Variants in BCL11A observed in about 807,000 individuals in gnomAD.
BCL11A encodes the protein BCL11 transcription factor A, also known as B cell CLL/lymphoma 11A.
Under a neutral mutation model 55.9 loss-of-function variants are expected in BCL11A, and 2 were observed. The ratio of observed to expected loss-of-function variants is 0.04; its 90% confidence interval spans 0.01 to 0.11. The LOEUF (loss-of-function observed/expected upper bound fraction) is 0.11, where lower values mean the gene tolerates loss of function less well. BCL11A is among the 10% of genes least tolerant of loss of function. The probability of loss-of-function intolerance (pLI) is 1.00; values close to 1 mark genes in which losing one functional copy is unlikely to be tolerated. For missense variants in BCL11A, 817 were observed against 1,137.1 expected, an observed-to-expected ratio of 0.72 and a Z score of 4.05; for synonymous variants, 465 against 473.4, an observed-to-expected ratio of 0.98 and a Z score of 0.23.
At chr2:60,503,487 C>A (rs45596438) in intron 2 of BCL11A, among the ~76,000 whole-genome samples, 2,642 of 152,342 alleles carry the variant, frequency 0.017, 33 homozygotes, top group Non-Finnish European at 0.025. Context: ...CACCTATTCA[C>A]AGATGGGGCA....
chr2:60,499,292 C>CTGCCT (rs1490666288), intron 2 of BCL11A, among the ~76,000 whole-genome samples: 1 of 151,990 alleles, frequency 6.6e-6, no homozygotes, highest in Non-Finnish European at 1.5e-5. Context: ...TGTGACGCCC[C>CTGCCT]TGCCCAGCCA....
upstream of BCL11A, chr2:60,553,789 G>A (rs1485850791): frequency 6.8e-6 from 1 of 146,474 alleles, no homozygotes; most frequent in Non-Finnish European, 1.5e-5. Context: ...GGAGGGGGAG[G>A]TGCGGGGCGG....
chr2:60,464,638 T>A (rs1330033815), intron 3 of BCL11A, among the ~76,000 whole-genome samples: 1 of 152,262 alleles, frequency 6.6e-6, no homozygotes, highest in African/African-American at 2.4e-5. Flanking sequence ...TCATAATTAG[T>A]GGTGCTGGTT....
intron 2 of BCL11A, among the ~76,000 whole-genome samples, chr2:60,517,560 A>T (rs1005076565): frequency 6.6e-6 from 1 of 152,248 alleles, no homozygotes; most frequent in Non-Finnish European, 1.5e-5. Context: ...TAAGAAAAGC[A>T]TTCCAGCCAT....
At chr2:60,462,880 C>T (rs992541472) in intron 3 of BCL11A, among the ~76,000 whole-genome samples, 6 of 152,204 alleles carry the variant, frequency 3.9e-5, no homozygotes, top group African/African-American at 1.4e-4. Context: ...TTTCTATTCC[C>T]CCCTGGGTGA....
intron 2 of BCL11A, among the ~76,000 whole-genome samples, chr2:60,532,276 A>G (rs1374484840): frequency 2.7e-5 from 4 of 149,958 alleles, no homozygotes; most frequent in African/African-American, 9.8e-5. Context: ...TGGTCTATTA[A>G]TAGTTTGAAG....
intron 2 of BCL11A, among the ~76,000 whole-genome samples, chr2:60,476,395 C>G (rs1303333998): frequency 6.6e-6 from 1 of 152,206 alleles, no homozygotes; most frequent in East Asian, 1.9e-4. Context: ...GTGGCTCATG[C>G]CAGAAGTCCA....
intron 2 of BCL11A, among the ~76,000 whole-genome samples, chr2:60,481,186 C>G (rs563673402): frequency 6.6e-5 from 10 of 152,080 alleles, no homozygotes; most frequent in Admixed American, 4.6e-4. Flanking sequence ...GGCTTCCCAG[C>G]CCCAAAACTG....
chr2:60,530,332 T>TAAAAA, intron 2 of BCL11A, among the ~76,000 whole-genome samples: 1 of 129,918 alleles, frequency 7.7e-6, no homozygotes, highest in Non-Finnish European at 1.6e-5. Flanking sequence ...TTCAGCCATT[T>TAAAAA]AAAAAAAAAA....
intron 2 of BCL11A, among the ~76,000 whole-genome samples, chr2:60,475,190 C>T (rs772098728): frequency 2.6e-5 from 4 of 152,196 alleles, no homozygotes; most frequent in Non-Finnish European, 5.9e-5. Context: ...CAGTTGACAG[C>T]GGAGGATACG....
Position 60,458,918 on chromosome 2 carries a change from G to A in BCL11A, c.*1486C>T. On this transcript the variant is annotated 3_prime_UTR_variant, in exon 4 of 4. Coordinates refer to ENST00000642384, the MANE Select transcript of BCL11A (RefSeq NM_022893.4). ...ATCCTCTTCCATGTTAACACAAATA[G>A]CACACAGTGTATGGAAAAGAAATGA... The A allele has an allele frequency of 9.7e-7, 1 of 1,033,624 alleles. No individual in the cohort carries two copies. The highest frequency in any genetic ancestry group is 1.2e-6 in the Non-Finnish European group (1 of 858,626). 64.0% of individuals were successfully genotyped at this position (1,033,624 alleles called of 1,614,324 possible).
In BCL11A at chr2:60,485,449, C is replaced by A. The variant is rs12623979; in HGVS notation, c.386-16616G>T. 0.011 allele frequency among the ~76,000 whole-genome samples: 1,700 copies of A among 152,326 alleles called. 161 individuals carry two copies. In the East Asian group the frequency reaches 0.23, roughly 21 times the overall value. ...GCTAGTCCCAGGAATGTCCTCCATG[C>A]CTTTAAGCTAACTGCAAAAACAGAA... On this transcript the variant is annotated intron_variant, in intron 2 of 3. Coordinates refer to ENST00000642384, the MANE Select transcript of BCL11A (RefSeq NM_022893.4).
chr2:60,486,844 A>T (rs1189247964), intron 2 of BCL11A, among the ~76,000 whole-genome samples: 1 of 152,198 alleles, frequency 6.6e-6, no homozygotes, highest in African/African-American at 2.4e-5. Flanking sequence ...GACTACTGCG[A>T]ATCACTCTGT....
chr2:60,485,352 G>A (rs1678212148), intron 2 of BCL11A, among the ~76,000 whole-genome samples: 1 of 152,242 alleles, frequency 6.6e-6, no homozygotes, highest in Non-Finnish European at 1.5e-5. Context: ...AGCCTGCAGT[G>A]GGTTATTAGC....
At chr2:60,502,458 C>T (rs903618221) in intron 2 of BCL11A, among the ~76,000 whole-genome samples, 1 of 152,182 alleles carries the variant, frequency 6.6e-6, no homozygotes, top group Non-Finnish European at 1.5e-5. Context: ...GGGGGTTTCT[C>T]GCTAGCACAG....
At chr2:60,542,465 T>G (rs1002198998) in intron 2 of BCL11A, 1 of 152,206 alleles carries the variant, frequency 6.6e-6, no homozygotes, top group Non-Finnish European at 1.5e-5. Flanking sequence ...AAGCTCTGAC[T>G]GCAAGTCAAA....
intron 2 of BCL11A, among the ~76,000 whole-genome samples, chr2:60,494,482 C>G (rs1457866993): frequency 1.3e-5 from 2 of 152,196 alleles, no homozygotes; most frequent in Non-Finnish European, 2.9e-5. Context: ...CGGCCCAGAG[C>G]TCAGTGAGAT....
intron 2 of BCL11A, chr2:60,524,940 A>G (rs1669143982): frequency 6.6e-6 from 1 of 152,248 alleles, no homozygotes; most frequent in Non-Finnish European, 1.5e-5. Flanking sequence ...CATGTCCCAG[A>G]ACAGGCCATA....
At chr2:60,453,108 C>T (rs1404541895), downstream of BCL11A, 1 of 152,704 alleles carries the variant, frequency 6.5e-6, no homozygotes, top group African/African-American at 2.4e-5. Context: ...GATGTAAAAG[C>T]AGCACAACGA....
Sources: gnomAD v4.1 joint callset for allele counts (sites outside exome capture counted in the v4.1 genomes callset) on GRCh38, gnomAD v4.1.1 for gene constraint, MANE v1.5 for transcripts, NCBI Gene and HGNC (gene_info 2026-07-23, HGNC 2026-07-21) for gene names.